RSRC1: variants seen among roughly 807,000 people sequenced by gnomAD.
The protein encoded by RSRC1 is arginine and serine rich coiled-coil 1.
Under a neutral mutation model 49.1 loss-of-function variants are expected in RSRC1, and 39 were observed. That is an observed-to-expected ratio of 0.79 (90% CI 0.61 to 1.04). RSRC1 has a LOEUF of 1.04. Ranked by LOEUF, RSRC1 falls within the 50% of genes least tolerant of loss-of-function variation. The pLI, the probability that RSRC1 is intolerant of heterozygous loss-of-function variation, is 0.00. For synonymous variants in RSRC1, 143 were observed against 130.8 expected (o/e 1.09, Z -0.63); for missense variants, 388 against 402.4 (o/e 0.96, Z 0.31).
chr3:158,291,611 TTTAAG>T (rs1413067029), intron 4 of RSRC1, among the ~76,000 whole-genome samples: 3 of 152,322 alleles, frequency 2.0e-5, no homozygotes, highest in East Asian at 1.9e-4. Flanking sequence ...AATCAAGTAA[TTTAAG>T]TTATTTTCCT....
intron 7 of RSRC1, among the ~76,000 whole-genome samples, chr3:158,494,228 C>T (rs1739210496): frequency 6.6e-6 from 1 of 152,164 alleles, no homozygotes; most frequent in Non-Finnish European, 1.5e-5. Flanking sequence ...TCCTAGGCTA[C>T]AGACCTTTAC....
At chr3:158,153,593 A>G (rs1717683636) in intron 3 of RSRC1, among the ~76,000 whole-genome samples, 2 of 152,192 alleles carry the variant, frequency 1.3e-5, no homozygotes, top group South Asian at 4.1e-4. Context: ...TTAAGGATAA[A>G]TAGATGGTGG....
chr3:158,422,583 A>T (rs1352346531), intron 6 of RSRC1, among the ~76,000 whole-genome samples: 1 of 151,120 alleles, frequency 6.6e-6, no homozygotes, highest in African/African-American at 2.4e-5. Flanking sequence ...TCCTTTGGGT[A>T]TATACCCAGT....
intron 4 of RSRC1, among the ~76,000 whole-genome samples, chr3:158,222,148 G>C (rs1336891809): frequency 1.3e-5 from 2 of 151,482 alleles, no homozygotes; most frequent in Non-Finnish European, 3.0e-5. Context: ...AGAGCACTAT[G>C]GACATTGTGC....
At chr3:158,325,355 G>A (rs748535887) in intron 5 of RSRC1, among the ~76,000 whole-genome samples, 69 of 152,154 alleles carry the variant, frequency 4.5e-4, no homozygotes, top group Non-Finnish European at 8.7e-4. Flanking sequence ...GGTTTTTATG[G>A]TTTTAGGTCT....
rs56789942 is a variant in RSRC1 at position 158,202,562 on chromosome 3, TTATATA to T, written c.321-496_321-491del. Among the ~76,000 whole-genome samples, 9 of 92,006 alleles carry T rather than the reference TTATATA, an allele frequency of 9.8e-5. 1 individual carries two copies. The East Asian group carries it at 2.8e-3, about 28-fold the overall frequency. 60.4% of individuals were successfully genotyped at this position (92,006 alleles called of 152,430 possible). The stretch of plus-strand genomic sequence containing the variant: ...TCTGTAGGGTTGTCAGTCTGGTAGA[TTATATA>T]TATATATATATATGTTTTATCAATA... On this transcript the variant is annotated intron_variant, in intron 3 of 9. Transcript: ENST00000611884.
At chr3:158,468,472 T>A (rs1440099188) in intron 7 of RSRC1, among the ~76,000 whole-genome samples, 2 of 152,200 alleles carry the variant, frequency 1.3e-5, no homozygotes, top group Non-Finnish European at 2.9e-5. Context: ...TCGATTCAGA[T>A]GTTATTTTTA....
In RSRC1 at chr3:158,522,585, G is replaced by A. The variant is rs185164089; in HGVS notation, c.653-14507G>A. 3.2e-3 allele frequency among the ~76,000 whole-genome samples: 487 copies of A among 152,268 alleles called. 2 individuals carry two copies. Among genetic ancestry groups the A allele is most frequent in the Middle Eastern group, 0.01 (3 of 294 alleles). On this transcript the variant is annotated intron_variant, in intron 7 of 9. Transcript: ENST00000611884. Reference sequence around the variant, plus strand: ...AAAGCTGAATTGAGGATAAAGTAGCGTCAAAATGACGACCAAATGGAAAGG... The same window carrying A: ...AAAGCTGAATTGAGGATAAAGTAGCATCAAAATGACGACCAAATGGAAAGG...
chr3:158,323,318 T>A (rs1728867765), intron 5 of RSRC1, among the ~76,000 whole-genome samples: 1 of 152,108 alleles, frequency 6.6e-6, no homozygotes. Flanking sequence ...GTCTGTGTAG[T>A]TTAATGGTTA....
chr3:158,215,483 A>G (rs553213627), intron 4 of RSRC1, among the ~76,000 whole-genome samples: 1 of 151,754 alleles, frequency 6.6e-6, no homozygotes, highest in South Asian at 2.1e-4. Flanking sequence ...GACTCACTTT[A>G]ATATAATTAT....
intron 4 of RSRC1, chr3:158,276,542 A>C: frequency 1.9e-6 from 1 of 521,112 alleles, no homozygotes; most frequent in Non-Finnish European, 3.4e-6. Context: ...CAGTTTGTAA[A>C]GAGTTGAATT....
At chr3:158,515,993 C>G (rs1032798811) in intron 7 of RSRC1, among the ~76,000 whole-genome samples, 1 of 151,722 alleles carries the variant, frequency 6.6e-6, no homozygotes, top group East Asian at 1.9e-4. Flanking sequence ...TCTAGTTATA[C>G]ATTCTTCTAA....
chr3:158,427,429 T>C (rs1735509079), intron 6 of RSRC1, among the ~76,000 whole-genome samples: 1 of 151,836 alleles, frequency 6.6e-6, no homozygotes, highest in South Asian at 2.1e-4. Context: ...GCTTTATTTG[T>C]GTTTGTGTAG....
At chr3:158,138,111 G>A (rs747729878) in intron 3 of RSRC1, among the ~76,000 whole-genome samples, 3 of 152,122 alleles carry the variant, frequency 2.0e-5, no homozygotes, top group Non-Finnish European at 2.9e-5. Flanking sequence ...CACATTGTGG[G>A]GACCTCTAGT....
chr3:158,449,493 T>C (rs1736899790), intron 6 of RSRC1, among the ~76,000 whole-genome samples: 1 of 151,944 alleles, frequency 6.6e-6, no homozygotes, highest in Non-Finnish European at 1.5e-5. Flanking sequence ...TGGCTCTCCA[T>C]GAGGGAGGAT....
intron 7 of RSRC1, among the ~76,000 whole-genome samples, chr3:158,519,677 A>G (rs1325867194): frequency 1.3e-5 from 2 of 152,166 alleles, no homozygotes; most frequent in African/African-American, 2.4e-5. Flanking sequence ...TTTATTCTAA[A>G]TGAGTTAAGA....
chr3:158,409,575 C>CTA (rs1181191932), intron 6 of RSRC1, among the ~76,000 whole-genome samples: 1 of 152,108 alleles, frequency 6.6e-6, no homozygotes, highest in East Asian at 1.9e-4. Context: ...AGTGAGCTCC[C>CTA]TAAAAGCAGG....
chr3:158,283,175 A>T (rs1329509874), intron 4 of RSRC1, among the ~76,000 whole-genome samples: 1 of 152,178 alleles, frequency 6.6e-6, no homozygotes, highest in Non-Finnish European at 1.5e-5. Context: ...TTTAAAGTGA[A>T]CACTAGAGGT....
chr3:158,237,925 T>C (rs1178004454), intron 4 of RSRC1, among the ~76,000 whole-genome samples: 11 of 152,216 alleles, frequency 7.2e-5, no homozygotes, highest in Admixed American at 2.0e-4. Flanking sequence ...CAGTATGATA[T>C]TGGCTGTGGG....
Sources: gnomAD v4.1 joint callset for allele counts (sites outside exome capture counted in the v4.1 genomes callset) on GRCh38, gnomAD v4.1.1 for gene constraint, MANE v1.5 for transcripts, NCBI Gene and HGNC (gene_info 2026-07-23, HGNC 2026-07-21) for gene names.